CDH13: variants seen among roughly 807,000 people sequenced by gnomAD.
CDH13 encodes the protein cadherin 13, also known as cadherin-13.
In CDH13, 24 loss-of-function variants were observed where a neutral mutation model predicts 63.8. The observed-to-expected ratio is 0.38, with a 90% CI of 0.27 to 0.53. CDH13 has a LOEUF of 0.53. Among genes scored for constraint, CDH13 ranks in the 20% least tolerant of loss-of-function variants. The probability of loss-of-function intolerance (pLI) is 0.85; values close to 1 mark genes in which losing one functional copy is unlikely to be tolerated. For missense variants in CDH13, 1,049 were observed against 903.1 expected, an observed-to-expected ratio of 1.16 and a Z score of -2.07; for synonymous variants, 503 against 355.3, an observed-to-expected ratio of 1.42 and a Z score of -4.67.
chr16:82,678,690 C>G (rs1914210642), intron 1 of CDH13, among the ~76,000 whole-genome samples: 1 of 152,176 alleles, frequency 6.6e-6, no homozygotes, highest in Non-Finnish European at 1.5e-5. Flanking sequence ...GGTGGCATGG[C>G]TGGCCCTTGA....
chr16:83,315,112 C>T (rs77559070), intron 5 of CDH13, among the ~76,000 whole-genome samples: 1 of 152,326 alleles, frequency 6.6e-6, no homozygotes, highest in East Asian at 1.9e-4. Context: ...TGCAGAAGAA[C>T]AACCAGCACA....
intron 6 of CDH13, among the ~76,000 whole-genome samples, chr16:83,457,155 C>T (rs1412170326): frequency 1.3e-5 from 2 of 152,156 alleles, no homozygotes; most frequent in Non-Finnish European, 2.9e-5. Context: ...CCTGGTATGA[C>T]CTTGGCGAGC....
intron 1 of CDH13, among the ~76,000 whole-genome samples, chr16:82,657,154 A>T (rs769405309): frequency 5.3e-5 from 8 of 150,234 alleles, no homozygotes; most frequent in Non-Finnish European, 1.0e-4. Flanking sequence ...TATGGATTGT[A>T]CCAAGCCCTA....
rs550717379 is a variant in CDH13, at chr16:82,837,091, A to G, written c.46-21271A>G. ...CCATCGAGGTGGAAGTCAAACAAATATGCAAAAGCGTCCCTGTATTTTCCT... is the reference window on the plus strand; with the variant it reads ...CCATCGAGGTGGAAGTCAAACAAATGTGCAAAAGCGTCCCTGTATTTTCCT... On this transcript the variant is annotated intron_variant, in intron 1 of 13. Transcript: ENST00000567109. 2.6e-5 allele frequency among the ~76,000 whole-genome samples: 4 copies of G among 152,330 alleles called. No individual in the cohort carries two copies. The East Asian group carries it at 7.7e-4, about 29-fold the overall frequency.
At chr16:82,646,234 G>A (rs576442296) in intron 1 of CDH13, 1 of 152,242 alleles carries the variant, frequency 6.6e-6, no homozygotes, top group Non-Finnish European at 1.5e-5. Context: ...CTTTCACCCA[G>A]GCTGAAGTGC....
intron 5 of CDH13, among the ~76,000 whole-genome samples, chr16:83,227,697 G>A (rs1033371940): frequency 2.0e-5 from 3 of 152,144 alleles, no homozygotes; most frequent in African/African-American, 4.8e-5. Flanking sequence ...TTGGCCAGCT[G>A]AGTCTTCTCT....
rs1308204973 is a variant in CDH13, at chr16:83,171,485, G to A, written c.484-45860G>A. 2.6e-6 allele frequency: 4 copies of A among 1,511,894 alleles called. No individual in the cohort carries two copies. The East Asian group carries it at 9.8e-5, about 37-fold the overall frequency. The allele number at this position is 1,511,894 out of a possible 1,614,324, so 93.7% of individuals were successfully genotyped here. On this transcript the variant is annotated intron_variant, in intron 4 of 13. Coordinates refer to ENST00000567109, the MANE Select transcript of CDH13 (RefSeq NM_001257.5). ...TTTCTAATTAGGTTACTCATTCTAT[G>A]AAAATAGACTGCCCATAAATAATCT...
chr16:83,685,160 C>T (rs998314096), intron 10 of CDH13, among the ~76,000 whole-genome samples: 3 of 152,008 alleles, frequency 2.0e-5, no homozygotes, highest in Non-Finnish European at 4.4e-5. Context: ...ATTTTATTGG[C>T]CAAAATTGGT....
At chr16:83,756,561 T>G (rs928931260) in intron 11 of CDH13, among the ~76,000 whole-genome samples, 1 of 152,256 alleles carries the variant, frequency 6.6e-6, no homozygotes, top group Non-Finnish European at 1.5e-5. Context: ...TTTGGCGCTT[T>G]TTTTATAGCT....
chr16:82,949,230 C>T (rs7189634), intron 2 of CDH13, among the ~76,000 whole-genome samples: 3 of 152,178 alleles, frequency 2.0e-5, no homozygotes, highest in Non-Finnish European at 4.4e-5. Flanking sequence ...GGGGAGGATT[C>T]GGCCTCACCT....
rs146919441 is a variant in CDH13, at chr16:83,518,909, C to G, written c.960+32254C>G. 5.0e-3 allele frequency among the ~76,000 whole-genome samples: 763 copies of G among 152,312 alleles called. 9 individuals carry two copies. Among genetic ancestry groups the G allele is most frequent in the African/African-American group, 0.016 (682 of 41,560 alleles). ...AGCCTCTGCATTCATGCTGAACTGT[C>G]AATTAAACTTCTTTTCTTTATAAAT... On this transcript the variant is annotated intron_variant, in intron 7 of 13. Coordinates refer to ENST00000567109, the MANE Select transcript of CDH13 (RefSeq NM_001257.5).
intron 10 of CDH13, among the ~76,000 whole-genome samples, chr16:83,719,714 T>A (rs1021719828): frequency 3.9e-5 from 6 of 152,168 alleles, no homozygotes; most frequent in Non-Finnish European, 5.9e-5. Context: ...TGGCATACCA[T>A]GTTCTGTGCC....
intron 1 of CDH13, among the ~76,000 whole-genome samples, chr16:82,776,880 G>C (rs1351516194): frequency 6.6e-6 from 1 of 152,156 alleles, no homozygotes; most frequent in Non-Finnish European, 1.5e-5. Context: ...TGGAAATTCT[G>C]GTGGAAGCTA....
Position 83,780,160 on chromosome 16 carries a change from A to G in CDH13, c.1874A>G (p.Gln625Arg). 1 of 1,610,030 alleles carries G rather than the reference A, an allele frequency of 6.2e-7. No individual in the cohort carries two copies. The highest frequency in any genetic ancestry group is 8.5e-7 in the Non-Finnish European group (1 of 1,177,902). Residue 625 changes from glutamine (Q) to arginine (R), a missense_variant, in exon 12 of 14, where the codon CAA becomes CGA. Physicochemically the swap from Gln to Arg is conservative, Grantham distance 43. Coordinates refer to ENST00000567109, the MANE Select transcript of CDH13 (RefSeq NM_001257.5). ...CCTTTCAAATTTGAAATCCACAAAC[A>G]AGCTGTTCCTGATAAAGTCTGGAAG... ...TDPFKFEIHK[Q>R]AVPDKVWKIS...
At chr16:83,630,024 A>G (rs2150791378) in intron 8 of CDH13, among the ~76,000 whole-genome samples, 1 of 152,322 alleles carries the variant, frequency 6.6e-6, no homozygotes, top group South Asian at 2.1e-4. Flanking sequence ...ATGACCTGTC[A>G]TCTGACAGCA....
chr16:82,963,335 C>G (rs1486039715), intron 2 of CDH13, among the ~76,000 whole-genome samples: 2 of 152,094 alleles, frequency 1.3e-5, no homozygotes, highest in East Asian at 3.9e-4. Context: ...ACCAAGAATG[C>G]ACCATTGCAC....
Position 82,702,610 on chromosome 16 carries a change from C to T in CDH13, c.45+75473C>T, listed in dbSNP as rs1477675356. Among the ~76,000 whole-genome samples, 5 of 152,098 alleles carry T rather than the reference C, an allele frequency of 3.3e-5. No homozygotes were observed. In the South Asian group the frequency reaches 8.3e-4, roughly 25 times the overall value. ...AATTTCTAAGAATCAATAAAACTTC[C>T]ATTTGGATTATTCTTTCCCCCACTC... is the stretch of plus-strand genomic sequence containing the variant. On this transcript the variant is annotated intron_variant, in intron 1 of 13. Transcript: ENST00000567109.
intron 2 of CDH13, among the ~76,000 whole-genome samples, chr16:82,999,158 C>G (rs894138069): frequency 6.6e-6 from 1 of 152,140 alleles, no homozygotes; most frequent in African/African-American, 2.4e-5. Context: ...GTCCTCTTAT[C>G]TATGTACCTT....
chr16:83,444,392 C>T (rs1598034998), intron 6 of CDH13, among the ~76,000 whole-genome samples: 1 of 152,170 alleles, frequency 6.6e-6, no homozygotes, highest in Admixed American at 6.5e-5. Context: ...GATATTGAAA[C>T]TGAAGTTTAA....
Sources: allele counts gnomAD v4.1 joint callset (sites outside exome capture counted in the v4.1 genomes callset), GRCh38; gene constraint gnomAD v4.1.1; transcripts MANE v1.5; gene names NCBI Gene and HGNC (gene_info 2026-07-23, HGNC 2026-07-21).